Variants in GKAP1 observed in about 807,000 individuals in gnomAD.
GKAP1 encodes the protein G kinase anchoring protein 1.
Under a neutral mutation model 56.7 loss-of-function variants are expected in GKAP1, and 31 were observed. The observed-to-expected ratio is 0.55, with a 90% confidence interval of 0.41 to 0.74. GKAP1 has a LOEUF of 0.74. Ranked by LOEUF, GKAP1 falls within the 30% of genes least tolerant of loss-of-function variation. The pLI is 0.00. For synonymous variants in GKAP1, 151 were observed against 138.6 expected, an observed-to-expected ratio of 1.09 and a Z score of -0.63; for missense variants, 364 against 402.3, an observed-to-expected ratio of 0.90 and a Z score of 0.82.
At chr9:83,804,736 G>C (rs1399711904) in intron 3 of GKAP1, among the ~76,000 whole-genome samples, 1 of 147,230 alleles carries the variant, frequency 6.8e-6, no homozygotes, top group Non-Finnish European at 1.5e-5. Flanking sequence ...TCAGCCCCCC[G>C]CCGGGCCAGC....
At chr9:83,805,471 AT>A (rs66963585) in intron 3 of GKAP1, among the ~76,000 whole-genome samples, 61,157 of 148,646 alleles carry the variant, frequency 0.41, 12,803 homozygotes, top group African/African-American at 0.5. Flanking sequence ...AATAAAAAAA[AT>A]AAAAAATAAA....
intron 7 of GKAP1, among the ~76,000 whole-genome samples, chr9:83,776,297 T>C (rs1164500025): frequency 6.6e-6 from 1 of 151,828 alleles, no homozygotes; most frequent in Non-Finnish European, 1.5e-5. Flanking sequence ...GAATAGAAAA[T>C]AGGTTGAATC....
At chr9:83,748,946 A>G (rs570472713) in intron 9 of GKAP1, 9 of 152,332 alleles carry the variant, frequency 5.9e-5, no homozygotes, top group African/African-American at 2.2e-4. Flanking sequence ...TTCTCAGTTG[A>G]AGATTCACTA....
intron 10 of GKAP1, among the ~76,000 whole-genome samples, chr9:83,744,369 A>G (rs187344294): frequency 2.6e-5 from 4 of 152,308 alleles, no homozygotes; most frequent in East Asian, 3.9e-4. Context: ...TACTCCTTGA[A>G]TATCTACCAG....
chr9:83,790,942 T>A (rs1342198575), intron 4 of GKAP1, among the ~76,000 whole-genome samples: 1 of 152,268 alleles, frequency 6.6e-6, no homozygotes, highest in East Asian at 1.9e-4. Context: ...TTTGAGATTA[T>A]TTCTAATATG....
At chr9:83,784,878 A>C in intron 5 of GKAP1, 40 bp from the exon 6 acceptor site, 1 of 1,440,104 alleles carries the variant, frequency 6.9e-7, no homozygotes, top group Non-Finnish European at 9.4e-7. Context: ...TCAGTTTACA[A>C]ACTGTAAAAT....
chr9:83,775,059 A>T (rs1338182749), intron 7 of GKAP1, among the ~76,000 whole-genome samples: 6 of 150,042 alleles, frequency 4.0e-5, no homozygotes, highest in Non-Finnish European at 8.9e-5. Context: ...CCCATGCTAG[A>T]GTGCGGTGGT....
intron 3 of GKAP1, among the ~76,000 whole-genome samples, 182 bp downstream of exon 3, chr9:83,806,116 CAAAA>C (rs879686695): frequency 7.8e-6 from 1 of 128,368 alleles, no homozygotes. Flanking sequence ...GACCCTGTCT[CAAAA>C]AAAAAAAAAG....
intron 9 of GKAP1, chr9:83,749,093 A>ATGTGATGTGAGT (rs1587689489): frequency 6.6e-6 from 1 of 152,164 alleles, no homozygotes; most frequent in East Asian, 1.9e-4. Context: ...ACATTACAAA[A>ATGTGATGTGAGT]ATGATACAAG....
chr9:83,782,249 A>T (rs1943986507), intron 6 of GKAP1, among the ~76,000 whole-genome samples: 1 of 151,926 alleles, frequency 6.6e-6, no homozygotes, highest in African/African-American at 2.4e-5. Flanking sequence ...CCTAGCCTCA[A>T]GTGATCTCCT....
intron 6 of GKAP1, among the ~76,000 whole-genome samples, chr9:83,783,902 A>G (rs543803069): frequency 1.3e-5 from 2 of 152,368 alleles, no homozygotes; most frequent in South Asian, 4.1e-4. Context: ...CTGATTTTAA[A>G]TTACTTTAAA....
At chr9:83,809,961 C>T (rs926573564) in intron 2 of GKAP1, among the ~76,000 whole-genome samples, 6 of 152,122 alleles carry the variant, frequency 3.9e-5, no homozygotes, top group African/African-American at 1.4e-4. Flanking sequence ...GTGTGTGCCA[C>T]CATGCCTGGC....
Position 83,748,381 on chromosome 9 carries a change from C to G in GKAP1, c.841-9G>C, listed in dbSNP as rs759009975. 1 of 1,483,146 alleles carries G rather than the reference C, an allele frequency of 6.7e-7. No individual in the cohort carries two copies. Among genetic ancestry groups the G allele is most frequent in the Admixed American group, 2.0e-5 (1 of 49,380 alleles). 91.9% of individuals were successfully genotyped at this position (1,483,146 alleles called of 1,614,324 possible). ...ACTTCCTTATACTTTGCCTAATAGT[C>G]AAAGAAAAAAGATTTAGTTTTTTTA... On this transcript the variant is annotated splice_polypyrimidine_tract_variant and intron_variant, in intron 9 of 12. Coordinates refer to ENST00000376371, the MANE Select transcript of GKAP1 (RefSeq NM_025211.4).
chr9:83,761,061 T>G (rs1232476954), intron 8 of GKAP1, among the ~76,000 whole-genome samples: 1 of 143,502 alleles, frequency 7.0e-6, no homozygotes, highest in Non-Finnish European at 1.5e-5. Flanking sequence ...ACAAAAGAAA[T>G]AAATGAAATT....
intron 2 of GKAP1, among the ~76,000 whole-genome samples, chr9:83,814,576 C>G (rs1944556509): frequency 6.6e-6 from 1 of 152,192 alleles, no homozygotes; most frequent in South Asian, 2.1e-4. Context: ...TCCTGAAAGA[C>G]AAGAGTTTCT....
chr9:83,771,503 T>G (rs770511262), intron 7 of GKAP1, among the ~76,000 whole-genome samples: 29 of 152,336 alleles, frequency 1.9e-4, no homozygotes, highest in Non-Finnish European at 3.8e-4. Context: ...TGAAAAAAAT[T>G]TATTTGTATA....
chr9:83,769,979 T>A (rs1943729451), intron 7 of GKAP1, among the ~76,000 whole-genome samples: 2 of 152,212 alleles, frequency 1.3e-5, no homozygotes, highest in Non-Finnish European at 2.9e-5. Flanking sequence ...ATCCCTTTTG[T>A]GTGCTTATTG....
At chr9:83,811,885 A>G (rs1944509807) in intron 2 of GKAP1, among the ~76,000 whole-genome samples, 1 of 150,098 alleles carries the variant, frequency 6.7e-6, no homozygotes, top group South Asian at 2.1e-4. Flanking sequence ...GCTATACTTA[A>G]AAAAAAAAAT....
At chr9:83,775,443 G>A (rs780801729) in intron 7 of GKAP1, among the ~76,000 whole-genome samples, 29 of 152,116 alleles carry the variant, frequency 1.9e-4, no homozygotes, top group Non-Finnish European at 1.0e-4. Context: ...CATATTCTAT[G>A]ACCCCGATGT....
Sources: allele counts gnomAD v4.1 joint callset (sites outside exome capture counted in the v4.1 genomes callset), GRCh38; gene constraint gnomAD v4.1.1; transcripts MANE v1.5; gene names NCBI Gene and HGNC (gene_info 2026-07-23, HGNC 2026-07-21).